WDR70: variants seen among roughly 807,000 people sequenced by gnomAD.
The protein encoded by WDR70 is WD repeat domain 70.
A neutral mutation model predicts 88.6 loss-of-function variants in WDR70; 53 were observed. The observed-to-expected ratio is 0.60, with a 90% confidence interval of 0.48 to 0.75. WDR70 has a LOEUF of 0.75. WDR70 is among the 30% of genes least tolerant of loss of function. The pLI is 0.00. For synonymous variants in WDR70, 280 were observed against 270.0 expected (o/e 1.04, Z -0.36); for missense variants, 610 against 823.2 (o/e 0.74, Z 3.17).
intron 8 of WDR70, among the ~76,000 whole-genome samples, chr5:37,483,389 G>A (rs532025157): frequency 6.6e-6 from 1 of 152,258 alleles, no homozygotes; most frequent in East Asian, 1.9e-4. Context: ...AGTGGACACA[G>A]CACATGTTTC....
chr5:37,565,957 C>T lies in WDR70; in HGVS notation c.918-39107C>T, dbSNP rs372391175. Among the ~76,000 whole-genome samples, 14 of 152,168 alleles carry T rather than the reference C, an allele frequency of 9.2e-5. No homozygotes were observed. In the East Asian group the frequency reaches 2.7e-3, roughly 29 times the overall value. Reference sequence around the variant, plus strand: ...TTAGTATTACTTGCTTTTACAACAACTTTATTGAGATACAATTCACATACC... The same window carrying T: ...TTAGTATTACTTGCTTTTACAACAATTTTATTGAGATACAATTCACATACC... On this transcript the variant is annotated intron_variant, in intron 9 of 17. Transcript: ENST00000265107.
At chr5:37,581,728 G>T (rs1460545615) in intron 9 of WDR70, among the ~76,000 whole-genome samples, 1 of 152,102 alleles carries the variant, frequency 6.6e-6, no homozygotes, top group African/African-American at 2.4e-5. Context: ...ACATATATAC[G>T]ATTTTAGGTA....
chr5:37,455,636 C>T lies in WDR70; in HGVS notation c.686+12264C>T, dbSNP rs117987786. ...TTCTCTCGGGTCCAGTTCTCTTTATCTTTTTTTTTTTTTTTTTTTGCCACA... is the reference window on the plus strand; with the variant it reads ...TTCTCTCGGGTCCAGTTCTCTTTATTTTTTTTTTTTTTTTTTTTTGCCACA... On this transcript the variant is annotated intron_variant, in intron 7 of 17. Coordinates refer to ENST00000265107, the MANE Select transcript of WDR70 (RefSeq NM_018034.4). Among the ~76,000 whole-genome samples, 152 of 70,400 alleles carry T rather than the reference C, an allele frequency of 2.2e-3. 1 individual carries two copies. Among genetic ancestry groups the T allele is most frequent in the South Asian group, 5.4e-3 (7 of 1,308 alleles). The allele number at this position is 70,400 out of a possible 152,430, so 46.2% of individuals were successfully genotyped here.
At chr5:37,723,055 A>G (rs1002871397) in intron 15 of WDR70, 121 bp downstream of exon 15, 3 of 1,151,750 alleles carry the variant, frequency 2.6e-6, no homozygotes, top group Non-Finnish European at 3.8e-6. Flanking sequence ...AAAATTGCCC[A>G]TTCATGTGGA....
chr5:37,424,148 CAAAAAAAAAAA>C (rs11304949), intron 5 of WDR70, among the ~76,000 whole-genome samples: 2 of 55,492 alleles, frequency 3.6e-5, no homozygotes, highest in African/African-American at 1.6e-4. Context: ...GACTCCATCT[CAAAAAAAAAAA>C]AAAAAAAAAA....
intron 10 of WDR70, among the ~76,000 whole-genome samples, chr5:37,616,727 G>A (rs1744355305): frequency 6.6e-6 from 1 of 152,102 alleles, no homozygotes; most frequent in Non-Finnish European, 1.5e-5. Flanking sequence ...GATTAATATG[G>A]TCAGGGACTT....
intron 8 of WDR70, among the ~76,000 whole-genome samples, chr5:37,485,858 A>ATTTTTTTT (rs57109943): frequency 5.9e-4 from 64 of 108,274 alleles, no homozygotes; most frequent in African/African-American, 9.5e-4. Flanking sequence ...TGCCTGGCTA[A>ATTTTTTTT]TTTTTTTTTT....
intron 11 of WDR70, among the ~76,000 whole-genome samples, chr5:37,698,777 T>G (rs990280640): frequency 6.6e-6 from 1 of 152,216 alleles, no homozygotes; most frequent in Non-Finnish European, 1.5e-5. Context: ...GTCCCTGTCC[T>G]TTTACCCTGG....
chr5:37,556,048 C>G (rs1242554057), intron 9 of WDR70, among the ~76,000 whole-genome samples: 3 of 151,974 alleles, frequency 2.0e-5, no homozygotes, highest in African/African-American at 7.3e-5. Flanking sequence ...TATAATTAAC[C>G]AAGCCATTGT....
intron 10 of WDR70, among the ~76,000 whole-genome samples, chr5:37,626,319 T>G (rs1342841483): frequency 6.6e-6 from 1 of 152,258 alleles, no homozygotes; most frequent in African/African-American, 2.4e-5. Flanking sequence ...GTTTTTATCA[T>G]GAAACGATGT....
chr5:37,704,879 T>G (rs1464176176), intron 13 of WDR70, among the ~76,000 whole-genome samples: 5 of 116,266 alleles, frequency 4.3e-5, no homozygotes, highest in Admixed American at 4.2e-4. Context: ...GACTATCTTG[T>G]GTCTTTTTTT....
At chr5:37,506,821 TGG>T in intron 8 of WDR70, 1 of 1,313,920 alleles carries the variant, frequency 7.6e-7, no homozygotes, top group Non-Finnish European at 1.1e-6. Context: ...TTTCCGTTCT[TGG>T]GGGCTGCTGT....
chr5:37,450,546 C>T (rs1356336151), intron 7 of WDR70, among the ~76,000 whole-genome samples: 1 of 152,168 alleles, frequency 6.6e-6, no homozygotes, highest in African/African-American at 2.4e-5. Flanking sequence ...CATCACTTTC[C>T]AATGGTGAGA....
intron 10 of WDR70, among the ~76,000 whole-genome samples, chr5:37,649,299 C>A (rs1166212159): frequency 2.0e-5 from 3 of 151,788 alleles, no homozygotes; most frequent in African/African-American, 4.8e-5. Flanking sequence ...GAATTAAGAC[C>A]AGAAATACAG....
intron 9 of WDR70, among the ~76,000 whole-genome samples, chr5:37,578,546 C>G (rs1743122240): frequency 1.3e-5 from 2 of 152,108 alleles, no homozygotes. Flanking sequence ...GGCTGTGTAC[C>G]TAGTGTTTCT....
At chr5:37,472,038 T>A (rs1179991158) in intron 7 of WDR70, among the ~76,000 whole-genome samples, 2 of 152,012 alleles carry the variant, frequency 1.3e-5, no homozygotes, top group Non-Finnish European at 2.9e-5. Context: ...AGTTTTTTTT[T>A]AATGATACCC....
intron 8 of WDR70, among the ~76,000 whole-genome samples, chr5:37,514,841 C>A (rs1740838926): frequency 6.6e-6 from 1 of 151,686 alleles, no homozygotes; most frequent in South Asian, 2.1e-4. Flanking sequence ...CATGGTGAGA[C>A]CCCGTCTCTA....
In WDR70 at chr5:37,587,047, T is replaced by C. The variant is rs1743383750; in HGVS notation, c.918-18017T>C. Among the ~76,000 whole-genome samples the C allele has an allele frequency of 2.0e-5, 3 of 152,270 alleles. No individual in the cohort carries two copies. In the Middle Eastern group the frequency reaches 0.01, roughly 518 times the overall value. ...TAATGTTTTCTCCTCACTTTCCCTG[T>C]TCCATTGCCTTAGAACAGGCCTTTA... On this transcript the variant is annotated intron_variant, in intron 9 of 17. Coordinates refer to ENST00000265107, the MANE Select transcript of WDR70 (RefSeq NM_018034.4).
intron 7 of WDR70, among the ~76,000 whole-genome samples, chr5:37,445,373 G>C (rs964777798): frequency 6.7e-6 from 1 of 149,626 alleles, no homozygotes; most frequent in African/African-American, 2.5e-5. Context: ...ATTTCTTCCT[G>C]AATCGGTTAT....
Sources: gnomAD v4.1 joint callset for allele counts (sites outside exome capture counted in the v4.1 genomes callset) on GRCh38, gnomAD v4.1.1 for gene constraint, MANE v1.5 for transcripts, NCBI Gene and HGNC (gene_info 2026-07-23, HGNC 2026-07-21) for gene names.